Variants in DCC observed in about 807,000 individuals in gnomAD.
The protein encoded by DCC is DCC netrin 1 receptor.
A neutral mutation model predicts 172.5 loss-of-function variants in DCC; 58 were observed. The ratio of observed to expected loss-of-function variants is 0.34; its 90% confidence interval spans 0.27 to 0.42. The LOEUF (loss-of-function observed/expected upper bound fraction) is 0.42. Among genes scored for constraint, DCC ranks in the 10% least tolerant of loss-of-function variants. DCC has a pLI of 1.00. For missense variants in DCC, 1,740 were observed against 1,791.0 expected, an observed-to-expected ratio of 0.97 and a Z score of 0.51; for synonymous variants, 709 against 644.5, an observed-to-expected ratio of 1.10 and a Z score of -1.52.
At chr18:52,972,989 G>A (rs2145589633) in intron 5 of DCC, among the ~76,000 whole-genome samples, 1 of 152,282 alleles carries the variant, frequency 6.6e-6, no homozygotes, top group East Asian at 1.9e-4. Context: ...ACAGAGAAAT[G>A]GGTTCATTGC....
At chr18:52,519,278 A>G (rs2031735821) in intron 1 of DCC, among the ~76,000 whole-genome samples, 1 of 152,184 alleles carries the variant, frequency 6.6e-6, no homozygotes, top group South Asian at 2.1e-4. Context: ...TTGCTTATAA[A>G]GTAAGGTCTT....
At chr18:52,629,717 G>T (rs1357681572) in intron 1 of DCC, among the ~76,000 whole-genome samples, 2 of 151,988 alleles carry the variant, frequency 1.3e-5, no homozygotes, top group African/African-American at 4.8e-5. Context: ...TTGGGAGGCC[G>T]AGGCGGGCAG....
chr18:52,720,286 C>T (rs115526872), intron 1 of DCC, among the ~76,000 whole-genome samples: 478 of 152,268 alleles, frequency 3.1e-3, no homozygotes, highest in African/African-American at 0.011. Flanking sequence ...TAGCTCTTAT[C>T]TAAAACTAAC....
intron 26 of DCC, among the ~76,000 whole-genome samples, chr18:53,490,083 T>C (rs537992466): frequency 6.4e-4 from 98 of 152,284 alleles, no homozygotes; most frequent in African/African-American, 2.2e-3. Flanking sequence ...TCTTAACTAG[T>C]GGGAAGGCTG....
intron 9 of DCC, among the ~76,000 whole-genome samples, chr18:53,184,282 A>T (rs1032029254): frequency 6.6e-6 from 1 of 152,162 alleles, no homozygotes; most frequent in African/African-American, 2.4e-5. Flanking sequence ...ATGAACAGAA[A>T]GTGCTACATT....
At position 52,368,153 on chromosome 18, in the gene DCC, A is replaced by G. The variant is rs184514657; in HGVS notation, c.91+27275A>G. Among the ~76,000 whole-genome samples, 1,387 of 152,340 alleles carry G rather than the reference A, an allele frequency of 9.1e-3. 6 individuals carry two copies. The highest frequency in any genetic ancestry group is 0.012 in the Non-Finnish European group (795 of 68,020). ...TTGTGCAGCTGTACACCCTGTGGCT[A>G]GAGTTGAATATACATATTTACCTTG... On this transcript the variant is annotated intron_variant, in intron 1 of 28. Coordinates refer to ENST00000442544, the MANE Select transcript of DCC (RefSeq NM_005215.4).
intron 1 of DCC, among the ~76,000 whole-genome samples, chr18:52,383,117 T>C (rs1985654743): frequency 6.6e-6 from 1 of 152,108 alleles, no homozygotes; most frequent in Admixed American, 6.6e-5. Flanking sequence ...TTCTTACACC[T>C]GATACATCCC....
At chr18:53,334,302 C>T (rs572840444) in intron 14 of DCC, among the ~76,000 whole-genome samples, 9 of 152,284 alleles carry the variant, frequency 5.9e-5, no homozygotes, top group African/African-American at 1.7e-4. Context: ...TCTTCTCCTT[C>T]TACTTAGAAT....
intron 1 of DCC, among the ~76,000 whole-genome samples, chr18:52,398,649 G>T (rs1197522348): frequency 6.6e-6 from 1 of 151,912 alleles, no homozygotes; most frequent in Non-Finnish European, 1.5e-5. Flanking sequence ...TTATGATTTA[G>T]CATTAAGGCC....
Position 52,898,358 on chromosome 18 carries a change from A to C in DCC, c.413-7686A>C, listed in dbSNP as rs1045915709. On this transcript the variant is annotated intron_variant, in intron 2 of 28. Transcript: ENST00000442544. ...TTCAGATTAGAATTTAAAAGAAGGA[A>C]CAGGCCCATTCTGGGGGTGTGTGGG... 2.6e-5 allele frequency among the ~76,000 whole-genome samples: 4 copies of C among 152,302 alleles called. No individual in the cohort carries two copies. In the East Asian group the frequency reaches 7.7e-4, roughly 29 times the overall value.
chr18:53,212,405 C>A (rs1197595755), intron 11 of DCC, among the ~76,000 whole-genome samples: 1 of 150,834 alleles, frequency 6.6e-6, no homozygotes, highest in Non-Finnish European at 1.5e-5. Context: ...TCACTTTCAC[C>A]TAGCCCTAGC....
At chr18:52,431,944 A>C (rs1987638842) in intron 1 of DCC, among the ~76,000 whole-genome samples, 2 of 152,112 alleles carry the variant, frequency 1.3e-5, no homozygotes, top group South Asian at 4.1e-4. Flanking sequence ...TCAGACTCTG[A>C]CACCTTTGAA....
intron 24 of DCC, among the ~76,000 whole-genome samples, chr18:53,459,997 T>A (rs1432499118): frequency 7.1e-6 from 1 of 140,924 alleles, no homozygotes; most frequent in African/African-American, 2.7e-5. Flanking sequence ...CCTTATGTGA[T>A]CCCCAGACTA....
intron 2 of DCC, among the ~76,000 whole-genome samples, chr18:52,855,541 C>T (rs1424009092): frequency 6.6e-6 from 1 of 152,186 alleles, no homozygotes; most frequent in Non-Finnish European, 1.5e-5. Context: ...AAGTTCACTT[C>T]TAGCTTTACC....
At chr18:52,608,415 C>T (rs2034182662) in intron 1 of DCC, among the ~76,000 whole-genome samples, 1 of 152,092 alleles carries the variant, frequency 6.6e-6, no homozygotes, top group African/African-American at 2.4e-5. Context: ...CTGGCCTTCC[C>T]AAAGGGGACA....
intron 9 of DCC, among the ~76,000 whole-genome samples, chr18:53,195,407 T>G (rs2055428631): frequency 6.6e-6 from 1 of 152,218 alleles, no homozygotes; most frequent in Non-Finnish European, 1.5e-5. Context: ...TTTCTGAGAT[T>G]GGCAAAACAT....
chr18:52,587,781 A>C (rs1317643280), intron 1 of DCC, among the ~76,000 whole-genome samples: 1 of 152,104 alleles, frequency 6.6e-6, no homozygotes, highest in African/African-American at 2.4e-5. Context: ...TGTCGTGCAG[A>C]ACCATCTGTG....
intron 1 of DCC, among the ~76,000 whole-genome samples, chr18:52,726,885 C>T (rs1418641284): frequency 6.6e-6 from 1 of 152,144 alleles, no homozygotes; most frequent in Non-Finnish European, 1.5e-5. Context: ...AGAAATGACT[C>T]AATAGAAACT....
intron 1 of DCC, among the ~76,000 whole-genome samples, chr18:52,373,887 C>CTTTTTTTTTTTTTTTTTT (rs779518696): frequency 1.4e-5 from 2 of 141,114 alleles, no homozygotes; most frequent in Non-Finnish European, 3.1e-5. Context: ...TTGGTTGCAT[C>CTTTTTTTTTTTTTTTTTT]ATTTTTTTTT....
Sources: allele counts gnomAD v4.1 joint callset (sites outside exome capture counted in the v4.1 genomes callset), GRCh38; gene constraint gnomAD v4.1.1; transcripts MANE v1.5; gene names NCBI Gene and HGNC (gene_info 2026-07-23, HGNC 2026-07-21).